Variants in CHST11 observed in about 807,000 individuals in gnomAD.
CHST11 encodes the protein carbohydrate sulfotransferase 11, also known as C4S-1.
CHST11 carries 9 observed loss-of-function variants against 30.4 expected under a neutral mutation model. The observed-to-expected ratio is 0.30, with a 90% CI of 0.18 to 0.52. The LOEUF (loss-of-function observed/expected upper bound fraction) is 0.52. Ranked by LOEUF, CHST11 falls within the 20% of genes least tolerant of loss-of-function variation. The probability of loss-of-function intolerance (pLI) is 0.97; values close to 1 mark genes in which losing one functional copy is unlikely to be tolerated. For synonymous variants in CHST11, 152 were observed against 187.8 expected, an observed-to-expected ratio of 0.81 and a Z score of 1.56; for missense variants, 348 against 460.6, an observed-to-expected ratio of 0.76 and a Z score of 2.24.
intron 1 of CHST11, among the ~76,000 whole-genome samples, chr12:104,522,908 T>C (rs530678973): frequency 2.9e-4 from 44 of 152,326 alleles, no homozygotes; most frequent in Non-Finnish European, 5.1e-4. Flanking sequence ...TGGTATGGTA[T>C]AGAGACTTGA....
intron 1 of CHST11, among the ~76,000 whole-genome samples, chr12:104,555,081 C>T (rs1398201875): frequency 6.6e-6 from 1 of 152,210 alleles, no homozygotes; most frequent in East Asian, 1.9e-4. Context: ...TCAGTGTTAA[C>T]GTGGGGCTTT....
chr12:104,689,790 C>T (rs1043892955), intron 2 of CHST11, among the ~76,000 whole-genome samples: 4 of 152,096 alleles, frequency 2.6e-5, no homozygotes, highest in African/African-American at 9.7e-5. Flanking sequence ...CAGACAAGCC[C>T]AGTTCCCTCT....
chr12:104,502,385 A>G (rs2037860772), intron 1 of CHST11, among the ~76,000 whole-genome samples: 1 of 152,158 alleles, frequency 6.6e-6, no homozygotes, highest in Non-Finnish European at 1.5e-5. Flanking sequence ...CTTTTAGAAC[A>G]GTCTAGGAAA....
At chr12:104,731,642 C>T (rs576191986) in intron 2 of CHST11, among the ~76,000 whole-genome samples, 3 of 152,342 alleles carry the variant, frequency 2.0e-5, no homozygotes, top group Admixed American at 6.5e-5. Flanking sequence ...TCAGCCTCTG[C>T]GGGCCTCAGC....
At chr12:104,755,927 A>G (rs894339882) in intron 2 of CHST11, among the ~76,000 whole-genome samples, 1 of 151,884 alleles carries the variant, frequency 6.6e-6, no homozygotes, top group Non-Finnish European at 1.5e-5. Flanking sequence ...CCCTCCGGTT[A>G]TGAAAGGGTG....
intron 1 of CHST11, among the ~76,000 whole-genome samples, chr12:104,583,432 C>T (rs1302954108): frequency 6.6e-6 from 1 of 152,076 alleles, no homozygotes; most frequent in Admixed American, 6.6e-5. Flanking sequence ...GGACCGTGGG[C>T]GTGTTTCATC....
rs991070974 is a variant in CHST11, at chr12:104,726,345, G to A, written c.205-30604G>A. Among the ~76,000 whole-genome samples, 3 of 152,160 alleles carry A rather than the reference G, an allele frequency of 2.0e-5. No homozygotes were observed. In the South Asian group the frequency reaches 6.2e-4, roughly 32 times the overall value. On this transcript the variant is annotated intron_variant, in intron 2 of 2. Coordinates refer to ENST00000303694, the MANE Select transcript of CHST11 (RefSeq NM_018413.6). The stretch of plus-strand genomic sequence containing the variant: ...GTACATCCCCTGGTGCAGAGTCCAC[G>A]CTTGAAGCAGACACTGGATCTGCCG...
In CHST11 at chr12:104,457,497, T is replaced by G. The variant is rs1434735195; in HGVS notation, c.86T>G (p.Val29Gly). 1.2e-6 allele frequency: 2 copies of G among 1,613,994 alleles called. No individual in the cohort carries two copies. The highest frequency in any genetic ancestry group is 1.7e-6 in the Non-Finnish European group (2 of 1,179,806). ...ACTTGCTTGGGATCCTTTATCCTGG[T>G]CATCTTCTATTTCCAAAGTATGTTG... is the stretch of plus-strand genomic sequence containing the variant. ...LATCLGSFIL[V>G]IFYFQSMLHP... The change falls in exon 1 of 3, where the codon GTC becomes GGC. Residue 29 changes from valine (V) to glycine (G), a missense_variant. Val to Gly is a moderately radical substitution (Grantham distance 109). Transcript: ENST00000303694.
intron 1 of CHST11, among the ~76,000 whole-genome samples, chr12:104,531,211 T>C (rs1592748686): frequency 6.6e-6 from 1 of 152,022 alleles, no homozygotes; most frequent in African/African-American, 2.4e-5. Context: ...ATGTGGTGGG[T>C]GGGCATGGTG....
chr12:104,717,703 G>A (rs1040986866), intron 2 of CHST11, among the ~76,000 whole-genome samples: 13 of 151,898 alleles, frequency 8.6e-5, no homozygotes, highest in African/African-American at 1.2e-4. Context: ...CTTGGGAGGC[G>A]GAGGTTGCAG....
At chr12:104,545,240 A>G (rs1307791476) in intron 1 of CHST11, among the ~76,000 whole-genome samples, 4 of 152,226 alleles carry the variant, frequency 2.6e-5, no homozygotes, top group Non-Finnish European at 5.9e-5. Context: ...AAGGACCATC[A>G]GGGAATGGCC....
chr12:104,523,520 T>C (rs2038093928), intron 1 of CHST11, among the ~76,000 whole-genome samples: 1 of 152,176 alleles, frequency 6.6e-6, no homozygotes, highest in Non-Finnish European at 1.5e-5. Context: ...AATCAGGAAA[T>C]CTGTCCATTT....
intron 2 of CHST11, among the ~76,000 whole-genome samples, chr12:104,716,673 G>A (rs376576106): frequency 1.3e-5 from 2 of 152,174 alleles, no homozygotes; most frequent in African/African-American, 2.4e-5. Flanking sequence ...AAACACATAC[G>A]TGATCGCTCC....
chr12:104,604,399 T>C (rs1283484827), intron 2 of CHST11, among the ~76,000 whole-genome samples: 1 of 152,186 alleles, frequency 6.6e-6, no homozygotes, highest in Non-Finnish European at 1.5e-5. Flanking sequence ...ATCACCTCGT[T>C]TCCTCGGGAT....
At chr12:104,512,715 G>C (rs144483132) in intron 1 of CHST11, among the ~76,000 whole-genome samples, 1 of 152,290 alleles carries the variant, frequency 6.6e-6, no homozygotes, top group East Asian at 1.9e-4. Flanking sequence ...TTAGGGAGTT[G>C]AATTCAGGCT....
At chr12:104,728,078 GTAA>G (rs148736245) in intron 2 of CHST11, among the ~76,000 whole-genome samples, 1 of 152,074 alleles carries the variant, frequency 6.6e-6, no homozygotes, top group African/African-American at 2.4e-5. Context: ...AGCAATAATA[GTAA>G]TAATAATAAT....
chr12:104,651,016 A>G (rs542586957), intron 2 of CHST11, among the ~76,000 whole-genome samples: 1 of 152,338 alleles, frequency 6.6e-6, no homozygotes, highest in South Asian at 2.1e-4. Flanking sequence ...AGTATTTATT[A>G]GTCATTATTA....
chr12:104,522,197 AG>A (rs1202788711), intron 1 of CHST11, among the ~76,000 whole-genome samples: 1 of 152,212 alleles, frequency 6.6e-6, no homozygotes, highest in Non-Finnish European at 1.5e-5. Flanking sequence ...CACACAATTT[AG>A]GAGCACAGAG....
intron 1 of CHST11, among the ~76,000 whole-genome samples, chr12:104,599,256 G>A (rs796498226): frequency 2.0e-4 from 30 of 152,280 alleles, no homozygotes; most frequent in African/African-American, 7.2e-4. Flanking sequence ...GCCCCACACG[G>A]TCAAAGCATT....
Sources: allele counts gnomAD v4.1 joint callset (sites outside exome capture counted in the v4.1 genomes callset), GRCh38; gene constraint gnomAD v4.1.1; transcripts MANE v1.5; gene names NCBI Gene and HGNC (gene_info 2026-07-23, HGNC 2026-07-21).